CARS1: variants seen among roughly 807,000 people sequenced by gnomAD.
CARS1 encodes the protein cysteinyl-tRNA synthetase 1, also known as cysteine--tRNA ligase, cytoplasmic.
In CARS1, 48 loss-of-function variants were observed where a neutral mutation model predicts 106.2. The ratio of observed to expected loss-of-function variants is 0.45; its 90% CI spans 0.36 to 0.57. CARS1 has a LOEUF of 0.57. CARS1 is among the 20% of genes least tolerant of loss of function. CARS1 has a pLI of 0.00. For missense variants in CARS1, 968 were observed against 1,057.2 expected (o/e 0.92, Z 1.17); for synonymous variants, 409 against 403.4 (o/e 1.01, Z -0.17).
chr11:3,020,285 T>A lies in CARS1; in HGVS notation c.1201A>T (p.Asn401Tyr), dbSNP rs1851454462. Reference protein sequence around the residue: ...ADRLSEKRSPNDFALWKASKP... With the variant: ...ADRLSEKRSPYDFALWKASKP... ...GAGGCCTTCCATAAGGCAAAGTCGTTGGGAGAGCGCTTCTCACTCAGGCGG... is the reference window on the plus strand; with the variant it reads ...GAGGCCTTCCATAAGGCAAAGTCGTAGGGAGAGCGCTTCTCACTCAGGCGG... The change falls in exon 11 of 23, where the codon AAC becomes TAC. Residue 401 changes from asparagine (N) to tyrosine (Y), a missense_variant. Physicochemically the swap from Asn to Tyr is moderately radical, Grantham distance 143. Coordinates refer to ENST00000380525, the MANE Select transcript of CARS1 (RefSeq NM_001014437.3). The surrounding 1 kb of genome is among the most constrained non-coding windows in gnomAD (Gnocchi z 4.6). 2.5e-6 allele frequency: 4 copies of A among 1,613,988 alleles called. No homozygotes were observed. The highest frequency in any genetic ancestry group is 1.7e-5 in the Admixed American group (1 of 60,004).
In CARS1 at chr11:3,043,249, G is replaced by A. The variant is rs966555242; in HGVS notation, c.275-993C>T. On this transcript the variant is annotated intron_variant, in intron 2 of 22. Coordinates refer to ENST00000380525, the MANE Select transcript of CARS1 (RefSeq NM_001014437.3). The surrounding 1 kb of genome is among the most constrained non-coding windows in gnomAD (Gnocchi z 4.0). ...AACCTGCATCTGAGATCCCTGAAGGGGCAGAGCTCTGTCCCTGGGGCCAGG... is the reference window on the plus strand; with the variant it reads ...AACCTGCATCTGAGATCCCTGAAGGAGCAGAGCTCTGTCCCTGGGGCCAGG... Among the ~76,000 whole-genome samples the A allele has an allele frequency of 2.0e-5, 3 of 151,982 alleles. No homozygotes were observed. Among genetic ancestry groups the A allele is most frequent in the Non-Finnish European group, 4.4e-5 (3 of 67,990 alleles).
At chr11:3,009,112 G>C (rs906980792) in intron 18 of CARS1, 1 of 152,348 alleles carries the variant, frequency 6.6e-6, no homozygotes, top group Non-Finnish European at 1.5e-5. Context: ...TAGCAGAGCT[G>C]GGGCAGAGGA....
chr11:3,037,185 T>C lies in CARS1; in HGVS notation c.801+865A>G, dbSNP rs964171615. On this transcript the variant is annotated intron_variant, in intron 7 of 22. Coordinates refer to ENST00000380525, the MANE Select transcript of CARS1 (RefSeq NM_001014437.3). This position sits in a 1 kb window ranked among gnomAD's most constrained non-coding sequence, Gnocchi z 5.9. ...GGTCGTCCCAGAAGCACAGCTTGGG[T>C]GAAAGCACACTGACGACTACATACA... Among the ~76,000 whole-genome samples the C allele has an allele frequency of 3.3e-5, 5 of 152,070 alleles. No individual in the cohort carries two copies. The highest frequency in any genetic ancestry group is 1.2e-4 in the African/African-American group (5 of 41,382).
In CARS1 at chr11:3,040,062, C is replaced by CT; in HGVS notation, c.456-132_456-131insA. On this transcript the variant is annotated intron_variant, in intron 4 of 22. Coordinates refer to ENST00000380525, the MANE Select transcript of CARS1 (RefSeq NM_001014437.3). The surrounding 1 kb of genome is among the most constrained non-coding windows in gnomAD (Gnocchi z 5.8). ...CTGCCATCCCTGAAACAGCAAGACC[C>CT]CCCCTTCTCCTCCTCAGTCTACTCA... 6 of 562,866 alleles carry CT rather than the reference C, an allele frequency of 1.1e-5. No homozygotes were observed. The South Asian group carries it at 1.4e-4, about 13-fold the overall frequency. 34.9% of individuals were successfully genotyped at this position (562,866 alleles called of 1,614,324 possible).
At position 3,020,794 on chromosome 11, in the gene CARS1, G is replaced by A. The variant is rs947009218; in HGVS notation, c.1154-462C>T. Among the ~76,000 whole-genome samples, 4 of 152,206 alleles carry A rather than the reference G, an allele frequency of 2.6e-5. No homozygotes were observed. The highest frequency in any genetic ancestry group is 2.1e-4 in the South Asian group (1 of 4,830). Reference sequence around the variant, plus strand: ...GCACAACTATCTGCTTATGGGTCCCGGGGGATACAAGGATGCAGCTAAGCT... The same window carrying A: ...GCACAACTATCTGCTTATGGGTCCCAGGGGATACAAGGATGCAGCTAAGCT... On this transcript the variant is annotated intron_variant, in intron 10 of 22. Coordinates refer to ENST00000380525, the MANE Select transcript of CARS1 (RefSeq NM_001014437.3). This position sits in a 1 kb window ranked among gnomAD's most constrained non-coding sequence, Gnocchi z 4.6.
rs1456901042 is a variant in CARS1 at position 3,044,846 on chromosome 11, T to C, written c.275-2590A>G. Reference sequence around the variant, plus strand: ...ATGTGGGAGGCTGAAGATAAAATGATGGAGAGGGAAGCCAGGAAGTGGCAA... The same window carrying C: ...ATGTGGGAGGCTGAAGATAAAATGACGGAGAGGGAAGCCAGGAAGTGGCAA... On this transcript the variant is annotated intron_variant, in intron 2 of 22. Transcript: ENST00000380525. The surrounding 1 kb of genome is among the most constrained non-coding windows in gnomAD (Gnocchi z 4.4). Among the ~76,000 whole-genome samples, 1 of 151,916 alleles carries C rather than the reference T, an allele frequency of 6.6e-6. No individual in the cohort carries two copies. Among genetic ancestry groups the C allele is most frequent in the Non-Finnish European group, 1.5e-5 (1 of 67,994 alleles).
In CARS1 at chr11:3,040,787, T is replaced by C. The variant is rs1854343944; in HGVS notation, c.455+109A>G. The C allele has an allele frequency of 1.8e-6, 2 of 1,115,790 alleles. No individual in the cohort carries two copies. Among genetic ancestry groups the C allele is most frequent in the Non-Finnish European group, 2.6e-6 (2 of 761,780 alleles). The allele number at this position is 1,115,790 out of a possible 1,614,324, so 69.1% of individuals were successfully genotyped here. ...TGATTCCTCAAATCTCAGGTCTCTG[T>C]AGCAGATCTAAGATCTTTGTGGACC... On this transcript the variant is annotated intron_variant, in intron 4 of 22. Coordinates refer to ENST00000380525, the MANE Select transcript of CARS1 (RefSeq NM_001014437.3). The surrounding 1 kb of genome is among the most constrained non-coding windows in gnomAD (Gnocchi z 5.8).
rs1380410478 is a variant in CARS1, at chr11:3,017,924, G to A, written c.1660C>T (p.Arg554Cys). The A allele has an allele frequency of 1.3e-5, 21 of 1,613,606 alleles. No homozygotes were observed. Among genetic ancestry groups the A allele is most frequent in the African/African-American group, 1.3e-5 (1 of 74,916 alleles). The change falls in exon 15 of 23, where the codon CGC (arginine) becomes TGC (cysteine). Residue 554 changes from arginine (R) to cysteine (C), a missense_variant. Coordinates refer to ENST00000380525, the MANE Select transcript of CARS1 (RefSeq NM_001014437.3). This position sits in a 1 kb window ranked among gnomAD's most constrained non-coding sequence, Gnocchi z 4.9. ...TGACCAGTGATGTCAACAGGAGCGCGAAGGATATCTTTCACATTTAAGAAA... is the reference window on the plus strand; with the variant it reads ...TGACCAGTGATGTCAACAGGAGCGCAAAGGATATCTTTCACATTTAAGAAA... ...EFFLNVKDIL[R>C]APVDITGQFE...
rs768512153 is a variant in CARS1 at position 3,022,880 on chromosome 11, G to A, written c.1154-2548C>T. On this transcript the variant is annotated intron_variant, in intron 10 of 22. Transcript: ENST00000380525. The surrounding 1 kb of genome is among the most constrained non-coding windows in gnomAD (Gnocchi z 4.9). ...CCTCTACCATTAGAGTCCCCATGGC[G>A]AGGAGCACATGACTGCACAGAGCTA... Among the ~76,000 whole-genome samples, 3 of 152,116 alleles carry A rather than the reference G, an allele frequency of 2.0e-5. No individual in the cohort carries two copies. The highest frequency in any genetic ancestry group is 1.9e-4 in the East Asian group (1 of 5,180).
At chr11:3,002,170 G>T in intron 21 of CARS1, 117 bp from the exon 22 acceptor site, 1 of 755,388 alleles carries the variant, frequency 1.3e-6, no homozygotes. Flanking sequence ...CTCAGATTCA[G>T]AGTGCTATGA....
At chr11:3,027,083 C>T (rs1852164127) in intron 9 of CARS1, 2 of 310,622 alleles carry the variant, frequency 6.4e-6, no homozygotes, top group South Asian at 1.1e-4. Context: ...TGCTGCCGTC[C>T]TCATTCTTGT....
Position 3,026,735 on chromosome 11 carries a change from G to A in CARS1, c.1094C>T (p.Ser365Phe), listed in dbSNP as rs1852118942. 6.2e-7 allele frequency: 1 copy of A among 1,613,964 alleles called. No individual in the cohort carries two copies. The highest frequency in any genetic ancestry group is 1.7e-5 in the Admixed American group (1 of 59,998). ...TAKFASSEKH[S>F]YGKLVPEAVG... ...GGCCTCAGGCACCAGCTTCCCATAG[G>A]AGTGCTTCTCGCTAGAAGCAAACTT... is the stretch of plus-strand genomic sequence containing the variant. The change falls in exon 10 of 23, where the codon TCC (serine) becomes TTC (phenylalanine). Residue 365 changes from serine (S) to phenylalanine (F), a missense_variant. Ser to Phe is a radical substitution (Grantham distance 155). Coordinates refer to ENST00000380525, the MANE Select transcript of CARS1 (RefSeq NM_001014437.3).
Position 3,029,531 on chromosome 11 carries a change from C to T in CARS1, c.802-88G>A, listed in dbSNP as rs1170375855. On this transcript the variant is annotated intron_variant, in intron 7 of 22. Coordinates refer to ENST00000380525, the MANE Select transcript of CARS1 (RefSeq NM_001014437.3). This position sits in a 1 kb window ranked among gnomAD's most constrained non-coding sequence, Gnocchi z 5.9. ...CAGCTGGTGTGAGCCCATCAGTGCC[C>T]TGAATTCAAAGGTGCTGACCTTGAC... The T allele has an allele frequency of 6.8e-7, 1 of 1,466,554 alleles. No homozygotes were observed. The highest frequency in any genetic ancestry group is 9.3e-7 in the Non-Finnish European group (1 of 1,076,078). 90.8% of individuals were successfully genotyped at this position (1,466,554 alleles called of 1,614,324 possible).
Position 3,012,181 on chromosome 11 carries a change from C to T in CARS1, c.2068+14G>A. The T allele has an allele frequency of 6.2e-7, 1 of 1,612,788 alleles. No individual in the cohort carries two copies. The highest frequency in any genetic ancestry group is 1.1e-5 in the South Asian group (1 of 91,052). ...GGAGTGGCTCCCACACTCTTTCCAG[C>T]AACTGGTCCTCACCTTTTTGCTCTC... On this transcript the variant is annotated intron_variant, in intron 18 of 22. Transcript: ENST00000380525.
rs757179201 is a variant in CARS1 at position 3,038,472 on chromosome 11, C to T, written c.652-273G>A. Among the ~76,000 whole-genome samples the T allele has an allele frequency of 7.9e-5, 12 of 152,146 alleles. No individual in the cohort carries two copies. The highest frequency in any genetic ancestry group is 1.6e-4 in the Non-Finnish European group (11 of 68,030). On this transcript the variant is annotated intron_variant, in intron 6 of 22. Transcript: ENST00000380525. This position sits in a 1 kb window ranked among gnomAD's most constrained non-coding sequence, Gnocchi z 4.0. ...CTCCAATGCAAATTGGGTGTGAGAGCAGTATTTCTAGGGCTGTTCTGGGGA... is the reference window on the plus strand; with the variant it reads ...CTCCAATGCAAATTGGGTGTGAGAGTAGTATTTCTAGGGCTGTTCTGGGGA...
rs1026973957 is a variant in CARS1, at chr11:3,021,927, C to T, written c.1154-1595G>A. On this transcript the variant is annotated intron_variant, in intron 10 of 22. Coordinates refer to ENST00000380525, the MANE Select transcript of CARS1 (RefSeq NM_001014437.3). This position sits in a 1 kb window ranked among gnomAD's most constrained non-coding sequence, Gnocchi z 5.3. ...GTTTTCAACTTTTCATTATTATGAA[C>T]TTACTCATGAAAGTTTATATCTGAT... is the stretch of plus-strand genomic sequence containing the variant. 1.3e-5 allele frequency among the ~76,000 whole-genome samples: 2 copies of T among 152,328 alleles called. No individual in the cohort carries two copies. Among genetic ancestry groups the T allele is most frequent in the African/African-American group, 2.4e-5 (1 of 41,572 alleles).
At chr11:3,032,062 C>G (rs1852900447) in intron 7 of CARS1, among the ~76,000 whole-genome samples, 1 of 7,212 alleles carries the variant, frequency 1.4e-4, no homozygotes, top group Non-Finnish European at 2.6e-4. Flanking sequence ...CTCCCTCCCT[C>G]CTTCCTTCCT....
In CARS1 at chr11:3,022,008, C is replaced by T. The variant is rs1851615185; in HGVS notation, c.1154-1676G>A. 1.3e-5 allele frequency among the ~76,000 whole-genome samples: 2 copies of T among 152,278 alleles called. No individual in the cohort carries two copies. Among genetic ancestry groups the T allele is most frequent in the African/African-American group, 4.8e-5 (2 of 41,554 alleles). On this transcript the variant is annotated intron_variant, in intron 10 of 22. Transcript: ENST00000380525. This position sits in a 1 kb window ranked among gnomAD's most constrained non-coding sequence, Gnocchi z 4.9. ...AACAGAGAACACAGGACCCTCCCCA[C>T]AAACACCCTATCCTTCAGCAAACAT...
In CARS1 at chr11:3,017,084, G is replaced by A. The variant is rs749584352; in HGVS notation, c.1917+22C>T. 7 of 1,600,958 alleles carry A rather than the reference G, an allele frequency of 4.4e-6. No homozygotes were observed. The highest frequency in any genetic ancestry group is 1.7e-4 in the Middle Eastern group (1 of 5,998). On this transcript the variant is annotated intron_variant, in intron 16 of 22. Transcript: ENST00000380525. The surrounding 1 kb of genome is among the most constrained non-coding windows in gnomAD (Gnocchi z 4.9). ...TGTGTCCACACAGGCTGAGGGATAC[G>A]CCTGCCTGGGGCCTGGCTTACCTTC...
Sources: gnomAD v4.1 joint callset for allele counts (sites outside exome capture counted in the v4.1 genomes callset) on GRCh38, gnomAD v4.1.1 for gene constraint, Gnocchi (gnomAD v3.1) non-coding constraint, MANE v1.5 for transcripts, NCBI Gene and HGNC (gene_info 2026-07-23, HGNC 2026-07-21) for gene names.